TUBGCP5: variants seen among roughly 807,000 people sequenced by gnomAD.
TUBGCP5 encodes gamma-tubulin complex component 5.
In TUBGCP5, 98 loss-of-function variants were observed where a neutral mutation model predicts 134.7. The ratio of observed to expected loss-of-function variants is 0.73; its 90% CI spans 0.62 to 0.86. The LOEUF is 0.86. Ranked by LOEUF, TUBGCP5 falls within the 40% of genes least tolerant of loss-of-function variation. The pLI is 0.00. For synonymous variants in TUBGCP5, 456 were observed against 431.4 expected, an observed-to-expected ratio of 1.06 and a Z score of -0.71; for missense variants, 1,150 against 1,244.8, an observed-to-expected ratio of 0.92 and a Z score of 1.15.
chr15:23,000,152 T>G, intron 22 of TUBGCP5: 1 of 690,022 alleles, frequency 1.4e-6, no homozygotes, highest in Non-Finnish European at 2.0e-6. Flanking sequence ...CCTTAAGTGA[T>G]TCACTCAACC....
Position 23,005,460 on chromosome 15 carries a change from T to G in TUBGCP5, c.2684A>C (p.Asn895Thr). The change falls in exon 19 of 23, where the codon AAC becomes ACC. Residue 895 changes from asparagine (N) to threonine (T), a missense_variant. Coordinates refer to ENST00000615383, the MANE Select transcript of TUBGCP5 (RefSeq NM_052903.6). ...LLRVKLMHFV[N>T]SLHNYIMTRI... ...GGTCATGATGTAGTTGTGCAAGCTG[T>G]TCACGAAATGCATGAGCTTCACTCT... is the stretch of plus-strand genomic sequence containing the variant. 1 of 1,614,188 alleles carries G rather than the reference T, an allele frequency of 6.2e-7. No homozygotes were observed.
chr15:22,983,104 G>A (rs909508642), downstream of TUBGCP5: 2 of 152,122 alleles, frequency 1.3e-5, no homozygotes, highest in African/African-American at 4.8e-5. Flanking sequence ...TTTTTTTTAA[G>A]TAATTAACGT....
Position 23,013,441 on chromosome 15 carries a change from G to A in TUBGCP5, c.1757-2110C>T, listed in dbSNP as rs1477743036. Among the ~76,000 whole-genome samples, 4 of 151,588 alleles carry A rather than the reference G, an allele frequency of 2.6e-5. No individual in the cohort carries two copies. Among genetic ancestry groups the A allele is most frequent in the African/African-American group, 7.3e-5 (3 of 41,294 alleles). On this transcript the variant is annotated intron_variant, in intron 13 of 22. Coordinates refer to ENST00000615383, the MANE Select transcript of TUBGCP5 (RefSeq NM_052903.6). This position sits in a 1 kb window ranked among gnomAD's most constrained non-coding sequence, Gnocchi z 4.5. ...AGCCTGGGCGACAGGGAAAGACTCC[G>A]TCTCAAAAAAAAAAGATCCGACTGG...
intron 8 of TUBGCP5, among the ~76,000 whole-genome samples, chr15:23,025,523 T>C (rs945163388): frequency 3.3e-5 from 5 of 152,176 alleles, no homozygotes; most frequent in African/African-American, 1.2e-4. Context: ...CTCATTGATA[T>C]ACTCCACCTA....
chr15:23,002,653 C>T (rs897703499), intron 21 of TUBGCP5, among the ~76,000 whole-genome samples: 6 of 152,116 alleles, frequency 3.9e-5, no homozygotes, highest in African/African-American at 1.4e-4. Flanking sequence ...GCAAGTGTGA[C>T]TGGGGAGGTG....
intron 11 of TUBGCP5, among the ~76,000 whole-genome samples, chr15:23,020,664 A>G (rs1011975628): frequency 2.0e-5 from 3 of 152,178 alleles, no homozygotes; most frequent in Non-Finnish European, 4.4e-5. Flanking sequence ...AACAAACTAG[A>G]AAATACACCT....
Position 23,019,263 on chromosome 15 carries a change from C to A in TUBGCP5, c.1443G>T (p.Val481=). The A allele has an allele frequency of 6.2e-7, 1 of 1,614,048 alleles. No individual in the cohort carries two copies. Among genetic ancestry groups the A allele is most frequent in the Non-Finnish European group, 8.5e-7 (1 of 1,179,970 alleles). Residue 481 remains valine, a synonymous_variant, in exon 12 of 23, where the codon GTG becomes GTT. Transcript: ENST00000615383. The part of the protein sequence containing the change: ...PYLQTVDEWI[V]HGHLWDGARE... ...TGGCGCCATCCCACAGGTGCCCGTG[C>A]ACGATCCACTCGTCCACCGTCTGCA...
intron 23 of TUBGCP5, among the ~76,000 whole-genome samples, chr15:22,991,187 T>C (rs957295021): frequency 2.6e-5 from 4 of 151,874 alleles, no homozygotes; most frequent in Non-Finnish European, 4.4e-5. Context: ...AACCTCTGCC[T>C]CCCAGGCTCA....
chr15:23,008,486 T>C (rs2064852333), intron 16 of TUBGCP5: 5 of 599,406 alleles, frequency 8.3e-6, no homozygotes, highest in Non-Finnish European at 1.5e-5. Context: ...CTCGAACTCC[T>C]GACCTCAGGT....
At chr15:23,017,008 A>C (rs997654963) in intron 13 of TUBGCP5, among the ~76,000 whole-genome samples, 8 of 146,990 alleles carry the variant, frequency 5.4e-5, no homozygotes, top group African/African-American at 2.0e-4. Flanking sequence ...TGAAGATAAA[A>C]GAGTGAATCC....
Position 23,000,742 on chromosome 15 carries a change from A to T in TUBGCP5, c.2928-73T>A, listed in dbSNP as rs2064324602. 6 of 1,111,288 alleles carry T rather than the reference A, an allele frequency of 5.4e-6. No individual in the cohort carries two copies. The Admixed American group carries it at 1.5e-4, about 28-fold the overall frequency. 68.8% of individuals were successfully genotyped at this position (1,111,288 alleles called of 1,614,324 possible). On this transcript the variant is annotated intron_variant, in intron 21 of 22. Transcript: ENST00000615383. ...TAGGTAGGCTTCAAGATATCTGTGGAGTAATTTCAAATGTATTTTGGTTTA... is the reference window on the plus strand; with the variant it reads ...TAGGTAGGCTTCAAGATATCTGTGGTGTAATTTCAAATGTATTTTGGTTTA...
chr15:23,017,152 C>T (rs1042769127), intron 13 of TUBGCP5, among the ~76,000 whole-genome samples: 3 of 151,114 alleles, frequency 2.0e-5, no homozygotes, highest in Admixed American at 1.3e-4. Flanking sequence ...AAAAGTAGAA[C>T]AGGATACCAG....
chr15:22,987,895 CAAAAAAAAAAA>C (rs869168765), intron 23 of TUBGCP5, among the ~76,000 whole-genome samples: 13 of 20,492 alleles, frequency 6.3e-4, no homozygotes, highest in East Asian at 2.3e-3. Context: ...GACTCCATCT[CAAAAAAAAAAA>C]AAAAAAAAAA....
chr15:23,007,973 C>G (rs2064822682), intron 16 of TUBGCP5, among the ~76,000 whole-genome samples: 1 of 152,132 alleles, frequency 6.6e-6, no homozygotes, highest in Non-Finnish European at 1.5e-5. Context: ...GGAGGCAGGA[C>G]TGAAAAACCT....
chr15:22,987,612 G>A (rs530224583), intron 23 of TUBGCP5, among the ~76,000 whole-genome samples: 31 of 151,630 alleles, frequency 2.0e-4, no homozygotes, highest in African/African-American at 7.5e-4. Flanking sequence ...ACACCCCAGA[G>A]GGGGCCAGGC....
intron 8 of TUBGCP5, among the ~76,000 whole-genome samples, chr15:23,025,784 T>C (rs2065949431): frequency 7.0e-6 from 1 of 142,748 alleles, no homozygotes; most frequent in East Asian, 2.0e-4. Context: ...TGAGCTGAGA[T>C]AGAGCTACTG....
intron 1 of TUBGCP5, among the ~76,000 whole-genome samples, chr15:23,038,769 C>T (rs2066743668): frequency 2.6e-5 from 4 of 151,990 alleles, no homozygotes; most frequent in Non-Finnish European, 5.9e-5. Context: ...TCTCACTTTA[C>T]GTAAATATCT....
At chr15:22,988,414 C>G (rs2063743095) in intron 23 of TUBGCP5, among the ~76,000 whole-genome samples, 1 of 151,824 alleles carries the variant, frequency 6.6e-6, no homozygotes, top group Non-Finnish European at 1.5e-5. Context: ...GGCCTTCCAG[C>G]CCCCAGAACT....
At chr15:23,037,326 C>T (rs1267955968) in intron 1 of TUBGCP5, among the ~76,000 whole-genome samples, 174 bp from the exon 2 acceptor site, 4 of 152,060 alleles carry the variant, frequency 2.6e-5, no homozygotes, top group African/African-American at 9.7e-5. Flanking sequence ...TCACCGTGTC[C>T]GAGACTGTGC....
Sources: allele counts gnomAD v4.1 joint callset (sites outside exome capture counted in the v4.1 genomes callset), GRCh38; gene constraint gnomAD v4.1.1; non-coding constraint Gnocchi (gnomAD v3.1); transcripts MANE v1.5; gene names NCBI Gene and HGNC (gene_info 2026-07-23, HGNC 2026-07-21).